CCSER1: variants seen among roughly 807,000 people sequenced by gnomAD.
The protein encoded by CCSER1 is coiled-coil serine rich protein 1.
A neutral mutation model predicts 82.0 loss-of-function variants in CCSER1; 41 were observed. The ratio of observed to expected loss-of-function variants is 0.50; its 90% CI spans 0.39 to 0.65. The LOEUF is 0.65. Ranked by LOEUF, CCSER1 falls within the 30% of genes least tolerant of loss-of-function variation. The pLI, the probability that CCSER1 is intolerant of heterozygous loss-of-function variation, is 0.00. For missense variants in CCSER1, 1,119 were observed against 1,064.2 expected, an observed-to-expected ratio of 1.05 and a Z score of -0.72; for synonymous variants, 414 against 383.9, an observed-to-expected ratio of 1.08 and a Z score of -0.92.
At chr4:90,498,019 C>T (rs1055250749) in intron 5 of CCSER1, among the ~76,000 whole-genome samples, 2 of 150,958 alleles carry the variant, frequency 1.3e-5, no homozygotes, top group African/African-American at 4.9e-5. Context: ...GATATACTTG[C>T]TATAATTGAG....
intron 5 of CCSER1, among the ~76,000 whole-genome samples, chr4:90,475,176 T>C (rs1284094220): frequency 6.6e-6 from 1 of 152,216 alleles, no homozygotes; most frequent in Non-Finnish European, 1.5e-5. Flanking sequence ...ATTCTTATGA[T>C]TCTTTACTAA....
intron 10 of CCSER1, among the ~76,000 whole-genome samples, chr4:91,373,560 T>C (rs115224103): frequency 0.02 from 2,988 of 152,262 alleles, 78 homozygotes; most frequent in African/African-American, 0.067. Context: ...TCTGTGGGTT[T>C]TGACTGCTCC....
At chr4:91,415,037 C>A (rs1753272572) in intron 10 of CCSER1, among the ~76,000 whole-genome samples, 1 of 152,030 alleles carries the variant, frequency 6.6e-6, no homozygotes, top group Non-Finnish European at 1.5e-5. Context: ...AGACACAAAA[C>A]CTATAAGGAA....
intron 6 of CCSER1, among the ~76,000 whole-genome samples, chr4:90,664,234 A>G (rs1345557464): frequency 6.6e-6 from 1 of 152,196 alleles, no homozygotes; most frequent in Non-Finnish European, 1.5e-5. Context: ...TTACTAATAC[A>G]TTGACTTCTC....
At chr4:91,351,285 A>G (rs1398205340) in intron 10 of CCSER1, among the ~76,000 whole-genome samples, 6 of 152,210 alleles carry the variant, frequency 3.9e-5, no homozygotes, top group African/African-American at 7.2e-5. Flanking sequence ...TTGTAAATAC[A>G]TAAGTAAAAA....
chr4:90,156,570 A>G (rs989057843), intron 1 of CCSER1, among the ~76,000 whole-genome samples: 18 of 152,166 alleles, frequency 1.2e-4, no homozygotes, highest in Admixed American at 1.0e-3. Context: ...TATTGGGTGC[A>G]TATATATTTA....
chr4:90,575,421 C>T (rs1362852634), intron 5 of CCSER1, among the ~76,000 whole-genome samples: 2 of 152,170 alleles, frequency 1.3e-5, no homozygotes, highest in Non-Finnish European at 2.9e-5. Flanking sequence ...CCAGTCCCTT[C>T]CTCAAAATGG....
At chr4:91,475,621 T>G (rs1032925038) in intron 10 of CCSER1, among the ~76,000 whole-genome samples, 2 of 151,758 alleles carry the variant, frequency 1.3e-5, no homozygotes, top group African/African-American at 4.8e-5. Context: ...AATAGAGGAG[T>G]CTACTACCTC....
chr4:90,463,385 T>C (rs942860134), intron 4 of CCSER1, among the ~76,000 whole-genome samples: 3 of 152,180 alleles, frequency 2.0e-5, no homozygotes, highest in African/African-American at 7.2e-5. Flanking sequence ...AAATTTGGGT[T>C]TTTCTATACT....
At chr4:90,331,147 A>G (rs1442917779) in intron 3 of CCSER1, among the ~76,000 whole-genome samples, 3 of 151,982 alleles carry the variant, frequency 2.0e-5, no homozygotes, top group Non-Finnish European at 4.4e-5. Context: ...AAGCAAGCCT[A>G]TTTTACTGAA....
chr4:91,540,713 C>G (rs1184089064), intron 10 of CCSER1, among the ~76,000 whole-genome samples: 2 of 152,062 alleles, frequency 1.3e-5, no homozygotes, highest in Non-Finnish European at 2.9e-5. Flanking sequence ...TTTGAGTTGA[C>G]TTTTGTGAAG....
At chr4:90,371,009 C>A (rs953176334) in intron 3 of CCSER1, among the ~76,000 whole-genome samples, 3 of 151,942 alleles carry the variant, frequency 2.0e-5, no homozygotes, top group Non-Finnish European at 2.9e-5. Flanking sequence ...CATTTCTCAG[C>A]TGGGTACAAA....
chr4:90,634,049 TA>T (rs962952982), intron 6 of CCSER1, among the ~76,000 whole-genome samples: 2 of 151,738 alleles, frequency 1.3e-5, no homozygotes, highest in Non-Finnish European at 3.0e-5. Context: ...TTCTTTTTCT[TA>T]AATTTTTAAA....
chr4:91,137,018 T>TTG (rs1728538787), intron 10 of CCSER1, among the ~76,000 whole-genome samples: 1 of 150,700 alleles, frequency 6.6e-6, no homozygotes, highest in Admixed American at 6.6e-5. Context: ...AATTCTTTTT[T>TTG]TTTTTATTAT....
chr4:90,762,034 A>G (rs1385753087), intron 7 of CCSER1, among the ~76,000 whole-genome samples: 1 of 152,208 alleles, frequency 6.6e-6, no homozygotes, highest in African/African-American at 2.4e-5. Flanking sequence ...AACTACCAAC[A>G]TATGAAAAGC....
chr4:90,967,092 C>A (rs1734637435), intron 9 of CCSER1, among the ~76,000 whole-genome samples: 1 of 151,946 alleles, frequency 6.6e-6, no homozygotes, highest in East Asian at 1.9e-4. Flanking sequence ...CAAAACTAAA[C>A]CCTAATATTT....
intron 7 of CCSER1, among the ~76,000 whole-genome samples, chr4:90,746,413 C>T (rs916876975): frequency 6.6e-6 from 1 of 152,064 alleles, no homozygotes; most frequent in Non-Finnish European, 1.5e-5. Flanking sequence ...TAAAATTAGC[C>T]ATTGGGAACT....
chr4:90,179,338 T>A (rs1164122694), intron 1 of CCSER1, among the ~76,000 whole-genome samples: 1 of 152,208 alleles, frequency 6.6e-6, no homozygotes, highest in East Asian at 1.9e-4. Context: ...GTTATCTAAC[T>A]GCATGTCCTC....
chr4:90,266,123 CA>C (rs549262745), intron 1 of CCSER1, among the ~76,000 whole-genome samples: 3 of 152,068 alleles, frequency 2.0e-5, no homozygotes, highest in Non-Finnish European at 4.4e-5. Context: ...TTATAATTAT[CA>C]TCATAATAGA....
Sources: allele counts gnomAD v4.1 joint callset (sites outside exome capture counted in the v4.1 genomes callset), GRCh38; gene constraint gnomAD v4.1.1; transcripts MANE v1.5; gene names NCBI Gene and HGNC (gene_info 2026-07-23, HGNC 2026-07-21).